ZNF22: variants seen among roughly 807,000 people sequenced by gnomAD.
ZNF22 encodes krox-26 protein.
Under a neutral mutation model 17.0 loss-of-function variants are expected in ZNF22, and 15 were observed. That is an observed-to-expected ratio of 0.88 (90% CI 0.59 to 1.36). The LOEUF is 1.36. Among genes scored for constraint, ZNF22 ranks in the 40% most tolerant of loss-of-function variants. ZNF22 has a pLI of 0.00. For missense variants in ZNF22, 272 were observed against 276.1 expected (o/e 0.98, Z 0.11); for synonymous variants, 84 against 90.7 (o/e 0.93, Z 0.42).
chr10:45,003,346 A>G lies in ZNF22; in HGVS notation c.-23A>G, dbSNP rs756358973. 1.9e-6 allele frequency: 3 copies of G among 1,557,854 alleles called. No homozygotes were observed. In the Admixed American group the frequency reaches 6.1e-5, roughly 32 times the overall value. ...TCAGAAGAAGCCTGTAAACTCTCTTACAAATACATTTGGTTATTCACCATG... is the reference window on the plus strand; with the variant it reads ...TCAGAAGAAGCCTGTAAACTCTCTTGCAAATACATTTGGTTATTCACCATG... On this transcript the variant is annotated 5_prime_UTR_variant, in exon 2 of 2. Transcript: ENST00000298299.
chr10:45,003,847 C>G lies in ZNF22; in HGVS notation c.479C>G (p.Thr160Ser). ...QSSHLIQHQR[T>S]HTGEKPYQCS... ...TCCCACCTTATTCAACATCAGAGAA[C>G]CCACACTGGGGAGAAACCCTACCAG... Residue 160 changes from threonine to serine, a missense_variant, in exon 2 of 2, where the codon ACC (threonine) becomes AGC (serine). Coordinates refer to ENST00000298299, the MANE Select transcript of ZNF22 (RefSeq NM_006963.5). The G allele has an allele frequency of 6.2e-7, 1 of 1,614,080 alleles. No homozygotes were observed. Among genetic ancestry groups the G allele is most frequent in the Non-Finnish European group, 8.5e-7 (1 of 1,179,998 alleles).
intron 1 of ZNF22, chr10:45,002,556 C>T (rs1367631701): frequency 6.6e-6 from 1 of 152,162 alleles, no homozygotes; most frequent in African/African-American, 2.4e-5. Context: ...ACAGTACTTT[C>T]GTTTTGGGTT....
At chr10:45,001,350 C>T (rs1044528091) in intron 1 of ZNF22, among the ~76,000 whole-genome samples, 2 of 152,198 alleles carry the variant, frequency 1.3e-5, no homozygotes, top group Admixed American at 6.5e-5. Context: ...GGAACAAATG[C>T]TTAGGCAGCA....
Position 45,001,220 on chromosome 10 carries a change from G to A in ZNF22, c.-90+242G>A, listed in dbSNP as rs190388854. On this transcript the variant is annotated intron_variant, in intron 1 of 1. Coordinates refer to ENST00000298299, the MANE Select transcript of ZNF22 (RefSeq NM_006963.5). ...ATGAGGAGCGGCCGGCGGAGTGCTG[G>A]GAACGGGAGGCTTGGACTGGGGGCC... Among the ~76,000 whole-genome samples the A allele has an allele frequency of 2.8e-3, 428 of 150,818 alleles. 4 individuals are homozygous for A. The highest frequency in any genetic ancestry group is 9.4e-3 in the African/African-American group (388 of 41,182).
chr10:45,003,444 A>G lies in ZNF22; in HGVS notation c.76A>G (p.Thr26Ala), dbSNP rs577489661. 6 of 1,614,252 alleles carry G rather than the reference A, an allele frequency of 3.7e-6. No homozygotes were observed. The African/African-American group carries it at 4.0e-5, about 11-fold the overall frequency. The part of the protein sequence containing the change: ...QGKAYENKRK[T>A]GRQRQKWGMT... ...AAAGGCCTATGAGAACAAGCGCAAAACAGGCCGGCAGCGGCAGAAGTGGGG... is the reference window on the plus strand; with the variant it reads ...AAAGGCCTATGAGAACAAGCGCAAAGCAGGCCGGCAGCGGCAGAAGTGGGG... Residue 26 changes from threonine to alanine, a missense_variant, in exon 2 of 2, where the codon ACA (threonine) becomes GCA (alanine). Coordinates refer to ENST00000298299, the MANE Select transcript of ZNF22 (RefSeq NM_006963.5).
intron 1 of ZNF22, among the ~76,000 whole-genome samples, chr10:45,001,291 G>A (rs1347663687): frequency 6.6e-6 from 1 of 151,986 alleles, no homozygotes; most frequent in Non-Finnish European, 1.5e-5. Context: ...CGGGTGAGCA[G>A]CAGCCCCGGC....
chr10:45,004,061 A>G lies in ZNF22; in HGVS notation c.*18A>G. The stretch of plus-strand genomic sequence containing the variant: ...TCCGTTAAGTATAGGGCTTTTTGAC[A>G]GCTTTTTGAGACCTCTTAAGAAAAA... On this transcript the variant is annotated 3_prime_UTR_variant, in exon 2 of 2. Coordinates refer to ENST00000298299, the MANE Select transcript of ZNF22 (RefSeq NM_006963.5). 3 of 1,556,282 alleles carry G rather than the reference A, an allele frequency of 1.9e-6. No individual in the cohort carries two copies. Among genetic ancestry groups the G allele is most frequent in the Non-Finnish European group, 2.6e-6 (3 of 1,155,688 alleles).
At position 45,003,423 on chromosome 10, in the gene ZNF22, G is replaced by A. The variant is rs746272738; in HGVS notation, c.55G>A (p.Ala19Thr). ...GISRSSSQGK[A>T]YENKRKTGRQ... The stretch of plus-strand genomic sequence containing the variant: ...TTCTCGGAGCTCAAGCCAAGGAAAG[G>A]CCTATGAGAACAAGCGCAAAACAGG... The change falls in exon 2 of 2, where the codon GCC becomes ACC. Residue 19 changes from alanine (A) to threonine (T), a missense_variant. By Grantham distance (58) the Ala-to-Thr change is moderately conservative. Transcript: ENST00000298299. 1.2e-6 allele frequency: 2 copies of A among 1,614,002 alleles called. No individual in the cohort carries two copies. The highest frequency in any genetic ancestry group is 1.7e-6 in the Non-Finnish European group (2 of 1,179,928).
At chr10:45,002,903 T>G (rs1229304163) in intron 1 of ZNF22, 1 of 153,830 alleles carries the variant, frequency 6.5e-6, no homozygotes, top group African/African-American at 2.4e-5. Flanking sequence ...TTGGAGTTAC[T>G]CCATTCCCAT....
At position 45,003,946 on chromosome 10, in the gene ZNF22, A is replaced by G; in HGVS notation, c.578A>G (p.Lys193Arg). 1.9e-6 allele frequency: 3 copies of G among 1,614,170 alleles called. No homozygotes were observed. The highest frequency in any genetic ancestry group is 1.7e-6 in the Non-Finnish European group (2 of 1,180,028). The change falls in exon 2 of 2, where the codon AAG becomes AGG. Residue 193 changes from lysine to arginine, a missense_variant. Physicochemically the swap from Lys to Arg is conservative, Grantham distance 26. Transcript: ENST00000298299. ...RQHMKVHKEE[K>R]PRKTRGKNIR... ...CACATGAAGGTGCATAAAGAAGAGA[A>G]GCCTCGTAAAACCCGGGGCAAAAAT...
chr10:45,003,676 G>A lies in ZNF22; in HGVS notation c.308G>A (p.Arg103Gln), dbSNP rs1359736820. Residue 103 changes from arginine to glutamine, a missense_variant, in exon 2 of 2, where the codon CGG becomes CAG. Physicochemically the swap from Arg to Gln is conservative, Grantham distance 43. Transcript: ENST00000298299. ...FQSSNLIQHR[R>Q]IHTGEKPYKC... Reference sequence around the variant, plus strand: ...AGTTCTAATCTCATTCAGCATCGACGGATCCATACGGGGGAAAAGCCCTAC... The same window carrying A: ...AGTTCTAATCTCATTCAGCATCGACAGATCCATACGGGGGAAAAGCCCTAC... 2 of 1,614,202 alleles carry A rather than the reference G, an allele frequency of 1.2e-6. No homozygotes were observed. Among genetic ancestry groups the A allele is most frequent in the Non-Finnish European group, 8.5e-7 (1 of 1,180,042 alleles).
Position 45,003,948 on chromosome 10 carries a change from C to G in ZNF22, c.580C>G (p.Pro194Ala). 1 of 1,614,140 alleles carries G rather than the reference C, an allele frequency of 6.2e-7. No individual in the cohort carries two copies. Among genetic ancestry groups the G allele is most frequent in the East Asian group, 2.2e-5 (1 of 44,890 alleles). Residue 194 changes from proline to alanine, a missense_variant, in exon 2 of 2, where the codon CCT (proline) becomes GCT (alanine). Coordinates refer to ENST00000298299, the MANE Select transcript of ZNF22 (RefSeq NM_006963.5). ...QHMKVHKEEK[P>A]RKTRGKNIRV... The stretch of plus-strand genomic sequence containing the variant: ...CATGAAGGTGCATAAAGAAGAGAAG[C>G]CTCGTAAAACCCGGGGCAAAAATAT...
chr10:45,002,428 A>G (rs1842341302), intron 1 of ZNF22: 1 of 152,218 alleles, frequency 6.6e-6, no homozygotes, highest in Non-Finnish European at 1.5e-5. Context: ...CTAGTTTTAC[A>G]TGTAAACTCA....
At chr10:45,001,244 C>T (rs1392323061) in intron 1 of ZNF22, among the ~76,000 whole-genome samples, 1 of 151,620 alleles carries the variant, frequency 6.6e-6, no homozygotes, top group Non-Finnish European at 1.5e-5. Context: ...GGACTGGGGG[C>T]CCGGGCGAGG....
rs1332743984 is a variant in ZNF22 at position 45,003,579 on chromosome 10, T to G, written c.211T>G (p.Phe71Val). ...EKSFSQSSTL[F>V]QHQKIHTGKK... ...GAGTTTCAGTCAGAGTTCAACTCTTTTTCAACACCAGAAGATCCATACTGG... is the reference window on the plus strand; with the variant it reads ...GAGTTTCAGTCAGAGTTCAACTCTTGTTCAACACCAGAAGATCCATACTGG... Residue 71 changes from phenylalanine to valine, a missense_variant, in exon 2 of 2, where the codon TTT (phenylalanine) becomes GTT (valine). By Grantham distance (50) the Phe-to-Val change is conservative (BLOSUM62 -1). Transcript: ENST00000298299. The G allele has an allele frequency of 6.2e-7, 1 of 1,614,196 alleles. No individual in the cohort carries two copies. The highest frequency in any genetic ancestry group is 1.7e-5 in the Admixed American group (1 of 60,032).
At chr10:45,002,800 G>T (rs1842344855) in intron 1 of ZNF22, 1 of 152,194 alleles carries the variant, frequency 6.6e-6, no homozygotes, top group South Asian at 2.1e-4. Context: ...TATTCATTTG[G>T]ATACCTTAGG....
intron 1 of ZNF22, among the ~76,000 whole-genome samples, chr10:45,001,850 T>A (rs1842336212): frequency 6.6e-6 from 1 of 151,764 alleles, no homozygotes; most frequent in Non-Finnish European, 1.5e-5. Flanking sequence ...ATTAAATGCG[T>A]GTGCTTTTAT....
chr10:45,002,340 A>G (rs1842340319), intron 1 of ZNF22: 1 of 152,234 alleles, frequency 6.6e-6, no homozygotes. Context: ...TTAAATAGCC[A>G]CAAGTCAGCC....
Position 45,004,141 on chromosome 10 carries a change from A to T in ZNF22, c.*98A>T, listed in dbSNP as rs533797643. The T allele has an allele frequency of 6.6e-5, 85 of 1,281,346 alleles. No homozygotes were observed. Among genetic ancestry groups the T allele is most frequent in the Non-Finnish European group, 8.0e-5 (75 of 937,330 alleles). The allele number at this position is 1,281,346 out of a possible 1,614,324, so 79.4% of individuals were successfully genotyped here. A position where few individuals can be genotyped will look rare whatever the true frequency, so the allele number is the denominator to read the frequency against. Reference sequence around the variant, plus strand: ...TTTAGAAATAGAGATGCTTTATAGTAGATCACTTAAATACTGGATCTTTTG... The same window carrying T: ...TTTAGAAATAGAGATGCTTTATAGTTGATCACTTAAATACTGGATCTTTTG... On this transcript the variant is annotated 3_prime_UTR_variant, in exon 2 of 2. Coordinates refer to ENST00000298299, the MANE Select transcript of ZNF22 (RefSeq NM_006963.5).
Sources: gnomAD v4.1 joint callset for allele counts (sites outside exome capture counted in the v4.1 genomes callset) on GRCh38, gnomAD v4.1.1 for gene constraint, MANE v1.5 for transcripts, NCBI Gene and HGNC (gene_info 2026-07-23, HGNC 2026-07-21) for gene names.